SPATA7: variants seen among roughly 807,000 people sequenced by gnomAD.
The protein encoded by SPATA7 is spermatogenesis associated 7, also known as spermatogenesis-associated protein 7.
In SPATA7, 43 loss-of-function variants were observed where a neutral mutation model predicts 51.8. The observed-to-expected ratio is 0.83, with a 90% CI of 0.65 to 1.07. The LOEUF is 1.07. Ranked by LOEUF, SPATA7 falls within the 50% of genes least tolerant of loss-of-function variation. SPATA7 has a pLI of 0.00. For missense variants in SPATA7, 683 were observed against 701.3 expected, an observed-to-expected ratio of 0.97 and a Z score of 0.30; for synonymous variants, 230 against 252.8, an observed-to-expected ratio of 0.91 and a Z score of 0.86.
At chr14:88,411,359 C>T (rs2076337313) in intron 4 of SPATA7, among the ~76,000 whole-genome samples, 1 of 152,124 alleles carries the variant, frequency 6.6e-6, no homozygotes, top group Admixed American at 6.5e-5. Context: ...GGCTTCAGAC[C>T]CCTTTCCAGG....
At chr14:88,391,595 T>C in intron 2 of SPATA7, 140 bp downstream of exon 2, 2 of 760,660 alleles carry the variant, frequency 2.6e-6, no homozygotes, top group East Asian at 2.8e-5. Context: ...TAATGAAATA[T>C]AGGCGTTCTT....
In SPATA7 at chr14:88,385,669, C is replaced by T. The variant is rs1308284404; in HGVS notation, c.-150C>T. 2 of 777,146 alleles carry T rather than the reference C, an allele frequency of 2.6e-6. No homozygotes were observed. The highest frequency in any genetic ancestry group is 4.4e-6 in the Non-Finnish European group (2 of 450,480). The allele number at this position is 777,146 out of a possible 1,614,324, so 48.1% of individuals were successfully genotyped here. On this transcript the variant is annotated 5_prime_UTR_variant, in exon 1 of 12. Transcript: ENST00000393545. ...ACAATAGCGACTCACTGGACCCAGC[C>T]CTTAGCAACGGCCTGGCAACGGTTT...
downstream of SPATA7, among the ~76,000 whole-genome samples, chr14:88,439,370 G>T (rs1326789953): frequency 2.0e-5 from 3 of 152,084 alleles, no homozygotes; most frequent in African/African-American, 7.2e-5. Flanking sequence ...TGTAGCTCAT[G>T]AATGAGACCC....
chr14:88,391,656 G>C (rs2075748658), intron 2 of SPATA7: 1 of 635,560 alleles, frequency 1.6e-6, no homozygotes, highest in Non-Finnish European at 2.9e-6. Context: ...TTGTGCCCTG[G>C]ATGTGGACTT....
intron 4 of SPATA7, among the ~76,000 whole-genome samples, chr14:88,399,249 C>T (rs964433728): frequency 6.6e-6 from 1 of 151,926 alleles, no homozygotes; most frequent in South Asian, 2.1e-4. Flanking sequence ...AAGTAACTAC[C>T]AGCTATAGGT....
chr14:88,398,569 T>C (rs940641898), intron 4 of SPATA7, among the ~76,000 whole-genome samples: 5 of 151,434 alleles, frequency 3.3e-5, no homozygotes, highest in Non-Finnish European at 5.9e-5. Flanking sequence ...GCGTGGCACA[T>C]GTATACATAT....
Position 88,469,440 on chromosome 14 carries a change from CCTCT to C in SPATA7, c.255-404_255-401del. The C allele has an allele frequency of 7.3e-7, 1 of 1,373,328 alleles. No individual in the cohort carries two copies. Among genetic ancestry groups the C allele is most frequent in the Non-Finnish European group, 1.0e-6 (1 of 966,346 alleles). The allele number at this position is 1,373,328 out of a possible 1,614,324, so 85.1% of individuals were successfully genotyped here. On this transcript the variant is annotated intron_variant, in intron 4 of 4. Transcript: ENST00000556406. The surrounding 1 kb of genome is among the most constrained non-coding windows in gnomAD (Gnocchi z 4.3). Reference sequence around the variant, plus strand: ...GAAATATTTCGGAAACATAAATGTTCCTCTCTGTTTAACACCTCCAGAGGCAGCT... The same window carrying C: ...GAAATATTTCGGAAACATAAATGTTCCTGTTTAACACCTCCAGAGGCAGCT...
Position 88,468,248 on chromosome 14 carries a change from T to G in SPATA7, c.255-1599T>G, listed in dbSNP as rs151002751. 4,921 of 1,605,330 alleles carry G rather than the reference T, an allele frequency of 3.1e-3. 33 individuals carry two copies. Among genetic ancestry groups the G allele is most frequent in the South Asian group, 0.015 (1,302 of 89,460 alleles). On this transcript the variant is annotated intron_variant, in intron 4 of 4. Coordinates refer to the SPATA7 transcript ENST00000556406. ...TCTGTTGCCTCAGCATGTCCAGCAC[T>G]CTCGGGATGTCCAGCACCTAGGTTG...
chr14:88,413,841 T>C (rs2076404698), intron 4 of SPATA7, among the ~76,000 whole-genome samples: 1 of 152,142 alleles, frequency 6.6e-6, no homozygotes, highest in African/African-American at 2.4e-5. Flanking sequence ...TCTGTTTATA[T>C]GGTGAATCGC....
At chr14:88,394,209 C>CCTGCAAAT (rs2075820725) in intron 3 of SPATA7, among the ~76,000 whole-genome samples, 1 of 152,076 alleles carries the variant, frequency 6.6e-6, no homozygotes, top group Admixed American at 6.6e-5. Context: ...ACTGTATCAC[C>CCTGCAAAT]CTGCAAATCC....
chr14:88,468,946 C>T, intron 4 of SPATA7: 2 of 1,614,166 alleles, frequency 1.2e-6, no homozygotes, highest in East Asian at 2.2e-5. Context: ...CGATCATGAT[C>T]TCCGACAAAA....
chr14:88,451,156 T>C (rs1039171091), intron 3 of SPATA7, among the ~76,000 whole-genome samples: 2 of 152,150 alleles, frequency 1.3e-5, no homozygotes, highest in Non-Finnish European at 2.9e-5. Flanking sequence ...TTCTAGAAGT[T>C]GTGCTTTTTG....
At chr14:88,419,895 G>A (rs2076593149) in intron 5 of SPATA7, among the ~76,000 whole-genome samples, 1 of 151,968 alleles carries the variant, frequency 6.6e-6, no homozygotes, top group Non-Finnish European at 1.5e-5. Flanking sequence ...AAAATTTGAA[G>A]ACAACACCCC....
chr14:88,412,664 T>C (rs2076375486), intron 4 of SPATA7, among the ~76,000 whole-genome samples: 1 of 152,178 alleles, frequency 6.6e-6, no homozygotes, highest in Admixed American at 6.5e-5. Context: ...CCAATCAAGT[T>C]GACATTCAGT....
downstream of SPATA7, among the ~76,000 whole-genome samples, chr14:88,457,905 A>T (rs537568250): frequency 2.2e-3 from 330 of 152,266 alleles, 3 homozygotes; most frequent in South Asian, 5.2e-3. Context: ...CATCCCATCA[A>T]TACCTAATTT....
chr14:88,455,235 C>G, exon 4 of SPATA7: 1 of 377,550 alleles, frequency 2.6e-6, no homozygotes, highest in East Asian at 7.3e-5. Context: ...CACAAATATC[C>G]TGATTAATGA....
chr14:88,411,726 T>C (rs923380314), intron 4 of SPATA7, among the ~76,000 whole-genome samples: 1 of 152,184 alleles, frequency 6.6e-6, no homozygotes, highest in Non-Finnish European at 1.5e-5. Context: ...ATCCTGTATA[T>C]GTACCACATT....
chr14:88,404,329 G>T lies in SPATA7; in HGVS notation c.238+8126G>T, dbSNP rs534580909. On this transcript the variant is annotated intron_variant, in intron 4 of 11. Transcript: ENST00000393545. ...TTGTTCATACACTACTTGACAAAATGTTCCAAAATTAACCTACATATATAT... is the reference window on the plus strand; with the variant it reads ...TTGTTCATACACTACTTGACAAAATTTTCCAAAATTAACCTACATATATAT... 5.9e-5 allele frequency among the ~76,000 whole-genome samples: 9 copies of T among 152,258 alleles called. No individual in the cohort carries two copies. In the East Asian group the frequency reaches 1.5e-3, roughly 26 times the overall value.
At chr14:88,447,966 G>A (rs2077225983) in intron 3 of SPATA7, among the ~76,000 whole-genome samples, 1 of 151,274 alleles carries the variant, frequency 6.6e-6, no homozygotes, top group African/African-American at 2.4e-5. Flanking sequence ...ATGTGTCTTG[G>A]AGTTGCTCTT....
Sources: allele counts gnomAD v4.1 joint callset (sites outside exome capture counted in the v4.1 genomes callset), GRCh38; gene constraint gnomAD v4.1.1; non-coding constraint Gnocchi (gnomAD v3.1); transcripts MANE v1.5; gene names NCBI Gene and HGNC (gene_info 2026-07-23, HGNC 2026-07-21).